TCF20: variants seen among roughly 807,000 people sequenced by gnomAD.
TCF20 encodes the protein SPRE-binding protein.
A neutral mutation model predicts 148.6 loss-of-function variants in TCF20; 3 were observed. The ratio of observed to expected loss-of-function variants is 0.02; its 90% CI spans 0.01 to 0.05. The LOEUF (loss-of-function observed/expected upper bound fraction) is 0.05, where lower values mean the gene tolerates loss of function less well. TCF20 is among the 10% of genes least tolerant of loss of function. TCF20 has a pLI of 1.00. For synonymous variants in TCF20, 1,049 were observed against 909.5 expected, an observed-to-expected ratio of 1.15 and a Z score of -2.76; for missense variants, 2,350 against 2,429.3, an observed-to-expected ratio of 0.97 and a Z score of 0.69.
At chr22:42,264,534 T>C (rs1926186262) in intron 1 of TCF20, among the ~76,000 whole-genome samples, 1 of 152,158 alleles carries the variant, frequency 6.6e-6, no homozygotes, top group African/African-American at 2.4e-5. Context: ...CCCACTTCCA[T>C]CCTTTGGATT....
At chr22:42,326,447 T>C (rs186651637) in intron 1 of TCF20, among the ~76,000 whole-genome samples, 5 of 152,252 alleles carry the variant, frequency 3.3e-5, no homozygotes, top group Admixed American at 2.0e-4. Context: ...AAATGAGACA[T>C]AGCACCGTCG....
intron 1 of TCF20, among the ~76,000 whole-genome samples, chr22:42,320,983 C>T (rs1927722123): frequency 6.6e-6 from 1 of 152,230 alleles, no homozygotes; most frequent in African/African-American, 2.4e-5. Context: ...AATGTACACA[C>T]AGTCTCCCAG....
chr22:42,251,807 T>G (rs1925392087), intron 1 of TCF20, among the ~76,000 whole-genome samples: 1 of 151,336 alleles, frequency 6.6e-6, no homozygotes, highest in Admixed American at 6.6e-5. Flanking sequence ...CTGGCCCAAA[T>G]AAGTATTTTT....
chr22:42,181,194 C>CTTTTTTTTTTTTTTTTTTTT (rs909516479), intron 2 of TCF20, among the ~76,000 whole-genome samples: 9 of 152,102 alleles, frequency 5.9e-5, no homozygotes, highest in African/African-American at 2.2e-4. Context: ...CTGCCACTTT[C>CTTTTTTTTTTTTTTTTTTTT]TTTTTTTGAG....
upstream of TCF20, among the ~76,000 whole-genome samples, chr22:42,286,123 A>G (rs1927027357): frequency 6.6e-6 from 1 of 152,180 alleles, no homozygotes; most frequent in East Asian, 1.9e-4. Flanking sequence ...CTGACAGCGT[A>G]ACAGCAGTGT....
chr22:42,214,464 G>T lies in TCF20; in HGVS notation c.842C>A (p.Ala281Glu). The T allele has an allele frequency of 6.2e-7, 1 of 1,614,168 alleles. No individual in the cohort carries two copies. The highest frequency in any genetic ancestry group is 8.5e-7 in the Non-Finnish European group (1 of 1,180,032). ...QYEGHNVGSN[A>E]QAYGTQSNYS... ...ATTGGATTGTGTTCCATAAGCCTGT[G>T]CATTAGAACCCACATTGTGTCCTTC... Residue 281 changes from alanine to glutamate, a missense_variant, in exon 2 of 6, where the codon GCA becomes GAA. Transcript: ENST00000677622.
intron 1 of TCF20, among the ~76,000 whole-genome samples, chr22:42,232,042 A>C (rs1923466812): frequency 1.3e-5 from 2 of 152,194 alleles, no homozygotes; most frequent in Admixed American, 1.3e-4. Flanking sequence ...CATCTACAGT[A>C]GTGTGCAGTA....
chr22:42,211,170 G>C lies in TCF20; in HGVS notation c.4136C>G (p.Thr1379Arg). The C allele has an allele frequency of 6.2e-7, 1 of 1,614,172 alleles. No homozygotes were observed. Among genetic ancestry groups the C allele is most frequent in the Non-Finnish European group, 8.5e-7 (1 of 1,180,044 alleles). Residue 1379 changes from threonine (T) to arginine (R), a missense_variant, in exon 2 of 6, where the codon ACG becomes AGG. Physicochemically the swap from Thr to Arg is moderately conservative, Grantham distance 71. This residue lies in a region of TCF20 where 231 missense variants were observed against 213.7 expected (regional missense o/e 1.08). Transcript: ENST00000677622. ...SSNSAEAGGD[T>R]VTLDDILSLK... ...AGACAGTATATCATCAAGCGTAACC[G>C]TGTCTCCCCCAGCCTCCGCACTGTT...
At chr22:42,281,833 G>A (rs927979914) in intron 1 of TCF20, among the ~76,000 whole-genome samples, 2 of 152,216 alleles carry the variant, frequency 1.3e-5, no homozygotes, top group Admixed American at 6.5e-5. Flanking sequence ...CTGAGCTCTA[G>A]GAACAGGGCT....
At position 42,213,209 on chromosome 22, in the gene TCF20, G is replaced by A. The variant is rs1353095869; in HGVS notation, c.2097C>T (p.Ser699=). The part of the protein sequence containing the change: ...GPGFTSRTEP[S]KSPGSLRYSY... Reference sequence around the variant, plus strand: ...TATAGCGCAGACTTCCAGGAGATTTGCTAGGCTCAGTTCTGCTCGTAAAAC... The same window carrying A: ...TATAGCGCAGACTTCCAGGAGATTTACTAGGCTCAGTTCTGCTCGTAAAAC... Residue 699 remains serine (S), a synonymous_variant, in exon 2 of 6, where the codon AGC becomes AGT. Transcript: ENST00000677622. 1 of 1,614,074 alleles carries A rather than the reference G, an allele frequency of 6.2e-7. No homozygotes were observed.
At chr22:42,316,456 G>A (rs1247522470) in intron 1 of TCF20, among the ~76,000 whole-genome samples, 1 of 152,140 alleles carries the variant, frequency 6.6e-6, no homozygotes, top group Non-Finnish European at 1.5e-5. Context: ...AGACAGACTG[G>A]CCCACAAGTT....
At chr22:42,169,264 CACAA>C (rs1412389765) in intron 4 of TCF20, among the ~76,000 whole-genome samples, 1 of 152,070 alleles carries the variant, frequency 6.6e-6, no homozygotes, top group Non-Finnish European at 1.5e-5. Flanking sequence ...ATGTGGTATC[CACAA>C]ACAGACCATT....
At chr22:42,236,508 A>AG (rs1408849500) in intron 1 of TCF20, among the ~76,000 whole-genome samples, 1 of 152,136 alleles carries the variant, frequency 6.6e-6, no homozygotes, top group Non-Finnish European at 1.5e-5. Flanking sequence ...CTCCCCACAG[A>AG]GGGACAGTGG....
intron 1 of TCF20, among the ~76,000 whole-genome samples, chr22:42,265,271 TCTA>T (rs1054478337): frequency 9.9e-5 from 15 of 152,210 alleles, no homozygotes; most frequent in African/African-American, 2.4e-4. Context: ...CAAATTATGC[TCTA>T]CTAACTATAA....
chr22:42,241,999 G>C (rs1038919860), intron 1 of TCF20, among the ~76,000 whole-genome samples: 1 of 151,862 alleles, frequency 6.6e-6, no homozygotes, highest in African/African-American at 2.4e-5. Context: ...TCAGGAGATC[G>C]AGACCATCCT....
At position 42,270,638 on chromosome 22, in the gene TCF20, A is replaced by G. The variant is rs1926564521; in HGVS notation, c.-336T>C. 7.3e-6 allele frequency among the ~76,000 whole-genome samples: 1 copy of G among 137,004 alleles called. No individual in the cohort carries two copies. Among genetic ancestry groups the G allele is most frequent in the Non-Finnish European group, 1.6e-5 (1 of 63,178 alleles). The allele number at this position is 137,004 out of a possible 152,430, so 89.9% of individuals were successfully genotyped here. ...GGGGTTTTTTCTCTCCATTCTCCCA[A>G]CACACAGGAAATAACAGAGCGTCAG... On this transcript the variant is annotated 5_prime_UTR_variant, in exon 1 of 6. Coordinates refer to ENST00000677622, the MANE Select transcript of TCF20 (RefSeq NM_001378418.1).
intron 1 of TCF20, among the ~76,000 whole-genome samples, chr22:42,216,389 T>G (rs1468621149): frequency 2.0e-5 from 3 of 152,150 alleles, no homozygotes; most frequent in Non-Finnish European, 4.4e-5. Flanking sequence ...TGCAAATTTT[T>G]GCAGCTTTAC....
intron 1 of TCF20, among the ~76,000 whole-genome samples, chr22:42,261,968 G>A (rs1926051910): frequency 6.6e-6 from 1 of 152,216 alleles, no homozygotes; most frequent in African/African-American, 2.4e-5. Flanking sequence ...TCCAGCCTGG[G>A]TGACAGAGCA....
Position 42,270,490 on chromosome 22 carries a change from G to A in TCF20, c.-188C>T, listed in dbSNP as rs1331039594. 6.9e-6 allele frequency among the ~76,000 whole-genome samples: 1 copy of A among 144,574 alleles called. No individual in the cohort carries two copies. The allele number at this position is 144,574 out of a possible 152,430, so 94.8% of individuals were successfully genotyped here. On this transcript the variant is annotated 5_prime_UTR_variant, in exon 1 of 6. Transcript: ENST00000677622. ...CCCGGGCCGGCGGCGGGGCGGGCCG[G>A]GGCCGCGGCCCCTCGAGGCTCGCTC...
Sources: allele counts gnomAD v4.1 joint callset (sites outside exome capture counted in the v4.1 genomes callset), GRCh38; gene constraint gnomAD v4.1.1; regional missense constraint gnomAD v4.1.1; transcripts MANE v1.5; gene names NCBI Gene and HGNC (gene_info 2026-07-23, HGNC 2026-07-21).